Variants in SAP30L observed in about 807,000 individuals in gnomAD.
The protein encoded by SAP30L is SAP30 like.
In SAP30L, 10 loss-of-function variants were observed where a neutral mutation model predicts 22.3. The ratio of observed to expected loss-of-function variants is 0.45; its 90% CI spans 0.28 to 0.76. The LOEUF (loss-of-function observed/expected upper bound fraction) is 0.76. Ranked by LOEUF, SAP30L falls within the 30% of genes least tolerant of loss-of-function variation. SAP30L has a pLI of 0.14. For synonymous variants in SAP30L, 91 were observed against 94.1 expected (o/e 0.97, Z 0.19); for missense variants, 206 against 237.9 (o/e 0.87, Z 0.88).
rs1057055075 is a variant in SAP30L, at chr5:154,446,620, A to G, written c.16A>G (p.Thr6Ala). Residue 6 changes from threonine (T) to alanine (A), a missense_variant, in exon 1 of 4, where the codon ACG becomes GCG. Thr to Ala is a moderately conservative substitution (Grantham distance 58, BLOSUM62 0). Transcript: ENST00000297109. ...GGGCGGGGAGATGAACGGCTTCAGC[A>G]CGGAGGAGGACAGCCGCGAAGGGCC... is the stretch of plus-strand genomic sequence containing the variant. MNGFSTEEDSREGPPA... is the reference protein window; with the variant it reads MNGFSAEEDSREGPPA... 17 of 1,512,852 alleles carry G rather than the reference A, an allele frequency of 1.1e-5. No individual in the cohort carries two copies. The highest frequency in any genetic ancestry group is 2.1e-5 in the Admixed American group (1 of 47,360). 93.7% of individuals were successfully genotyped at this position (1,512,852 alleles called of 1,614,324 possible). A position where few individuals can be genotyped will look rare whatever the true frequency, so the allele number is the denominator to read the frequency against.
chr5:154,446,459 G>T lies in SAP30L; in HGVS notation c.-146G>T. ...GGGGCCGAGGGAGCCGGGCCTCTCG[G>T]ACGCGGGGCAGGGCAGCGCCCGGGC... On this transcript the variant is annotated 5_prime_UTR_variant, in exon 1 of 4. Transcript: ENST00000297109. The T allele has an allele frequency of 1.7e-6, 1 of 603,244 alleles. No individual in the cohort carries two copies. The allele number at this position is 603,244 out of a possible 1,614,324, so 37.4% of individuals were successfully genotyped here.
chr5:154,454,178 G>C (rs1203944008), intron 3 of SAP30L, among the ~76,000 whole-genome samples: 1 of 152,120 alleles, frequency 6.6e-6, no homozygotes. Context: ...TCAAAACCTT[G>C]ATGTTCTACA....
At chr5:154,453,108 TC>T (rs1052335804) in intron 2 of SAP30L, 3 of 278,410 alleles carry the variant, frequency 1.1e-5, no homozygotes, top group Non-Finnish European at 2.0e-5. Context: ...TGTGATCTTT[TC>T]CCCTATTCCC....
intron 2 of SAP30L, chr5:154,452,429 A>G: frequency 1.5e-5 from 15 of 975,238 alleles, no homozygotes; most frequent in South Asian, 4.8e-5. Flanking sequence ...TTGGCCCCTC[A>G]TATTGATCAT....
chr5:154,450,966 T>C (rs1757125079), intron 1 of SAP30L, 125 bp from the exon 2 acceptor site: 1 of 1,000,464 alleles, frequency 1.0e-6, no homozygotes, highest in African/African-American at 1.6e-5. Context: ...AATGATGGCC[T>C]ACATCTTGTC....
intron 1 of SAP30L, among the ~76,000 whole-genome samples, chr5:154,447,773 C>T (rs1042367704): frequency 6.6e-6 from 1 of 152,056 alleles, no homozygotes; most frequent in Non-Finnish European, 1.5e-5. Context: ...TGCACGTTTC[C>T]CCTCTGATTT....
chr5:154,449,548 C>T (rs1185435846), intron 1 of SAP30L, among the ~76,000 whole-genome samples: 1 of 152,214 alleles, frequency 6.6e-6, no homozygotes, highest in Admixed American at 6.5e-5. Flanking sequence ...AAGTTTGTTA[C>T]TGTGAACTTG....
chr5:154,458,998 A>G lies in SAP30L; in HGVS notation c.*2970A>G, dbSNP rs1418597010. 3 of 152,240 alleles carry G rather than the reference A, an allele frequency of 2.0e-5. No homozygotes were observed. The highest frequency in any genetic ancestry group is 6.5e-5 in the Admixed American group (1 of 15,286). The allele number at this position is 152,240 out of a possible 1,614,324, so 9.4% of individuals were successfully genotyped here. A position where few individuals can be genotyped will look rare whatever the true frequency, so the allele number is the denominator to read the frequency against. On this transcript the variant is annotated 3_prime_UTR_variant, in exon 4 of 4. Coordinates refer to ENST00000297109, the MANE Select transcript of SAP30L (RefSeq NM_024632.6). ...GCCTTTCAGAGAACAGATAGTAACA[A>G]TTGTTTGCAGCTGCAGTGTTGCATC...
At chr5:154,453,343 C>T in intron 2 of SAP30L, 59 bp from the exon 3 acceptor site, 1 of 1,198,100 alleles carries the variant, frequency 8.3e-7, no homozygotes, top group Non-Finnish European at 1.2e-6. Context: ...ACATAGTGGG[C>T]TCTTGGTGAG....
chr5:154,453,525 A>T, intron 3 of SAP30L, 25 bp downstream of exon 3: 1 of 1,455,932 alleles, frequency 6.9e-7, no homozygotes, highest in Non-Finnish European at 9.7e-7. Context: ...TTGCCCTCTA[A>T]AGAGAGCCAG....
intron 1 of SAP30L, among the ~76,000 whole-genome samples, chr5:154,447,946 T>C (rs1407990245): frequency 6.6e-6 from 1 of 150,932 alleles, no homozygotes; most frequent in Non-Finnish European, 1.5e-5. Context: ...CTGTCCTTTT[T>C]CTTTTCTTTT....
chr5:154,454,195 AT>A (rs370854144), intron 3 of SAP30L, among the ~76,000 whole-genome samples: 6 of 151,204 alleles, frequency 4.0e-5, no homozygotes, highest in Non-Finnish European at 8.9e-5. Flanking sequence ...TACAGGAGCT[AT>A]TTTTTTTTCC....
intron 2 of SAP30L, 161 bp from the exon 3 acceptor site, chr5:154,453,238 CCCT>C (rs752731921): frequency 4.4e-4 from 234 of 535,274 alleles, no homozygotes; most frequent in Non-Finnish European, 5.2e-4. Flanking sequence ...GTTATTTTTG[CCCT>C]CCTAGCCAGT....
intron 3 of SAP30L, 34 bp downstream of exon 3, chr5:154,453,534 A>G (rs1014152084): frequency 1.5e-6 from 2 of 1,358,214 alleles, no homozygotes; most frequent in Non-Finnish European, 2.1e-6. Context: ...AAAGAGAGCC[A>G]GCATTGTGCT....
intron 1 of SAP30L, among the ~76,000 whole-genome samples, chr5:154,448,929 A>G (rs953036945): frequency 6.6e-6 from 1 of 152,180 alleles, no homozygotes; most frequent in Non-Finnish European, 1.5e-5. Flanking sequence ...ATTCAATTCC[A>G]GGTAACTGGT....
rs909952697 is a variant in SAP30L, at chr5:154,457,222, T to G, written c.*1194T>G. The G allele has an allele frequency of 6.6e-6, 1 of 152,238 alleles. No individual in the cohort carries two copies. The highest frequency in any genetic ancestry group is 2.4e-5 in the African/African-American group (1 of 41,460). The allele number at this position is 152,238 out of a possible 1,614,324, so 9.4% of individuals were successfully genotyped here. On this transcript the variant is annotated 3_prime_UTR_variant, in exon 4 of 4. Transcript: ENST00000297109. ...CGTTGAACTCCTCAATCTAATTATA[T>G]CAGAGCCAAAGTATCCTGTGAAAAC...
chr5:154,446,864 C>T (rs1757026226), intron 1 of SAP30L, 59 bp downstream of exon 1: 1 of 1,472,970 alleles, frequency 6.8e-7, no homozygotes, highest in Non-Finnish European at 9.3e-7. Flanking sequence ...GTCCGCTGCC[C>T]TGGGCTCCAG....
chr5:154,452,455 G>T (rs1757164013), intron 2 of SAP30L: 1 of 982,168 alleles, frequency 1.0e-6, no homozygotes, highest in Admixed American at 6.3e-5. Flanking sequence ...TTGTTTTTAA[G>T]TGCTCTCCAC....
intron 3 of SAP30L, 65 bp from the exon 4 acceptor site, chr5:154,455,835 A>G (rs1648865888): frequency 3.3e-6 from 5 of 1,534,066 alleles, no homozygotes; most frequent in African/African-American, 2.8e-5. Flanking sequence ...TTCTTTGTAC[A>G]ATGTAGAATT....
Sources: gnomAD v4.1 joint callset for allele counts (sites outside exome capture counted in the v4.1 genomes callset) on GRCh38, gnomAD v4.1.1 for gene constraint, MANE v1.5 for transcripts, NCBI Gene and HGNC (gene_info 2026-07-23, HGNC 2026-07-21) for gene names.